ELAC2: variants seen among roughly 807,000 people sequenced by gnomAD.
The protein encoded by ELAC2 is zinc phosphodiesterase ELAC protein 2.
In ELAC2, 92 loss-of-function variants were observed where a neutral mutation model predicts 105.2. The ratio of observed to expected loss-of-function variants is 0.87; its 90% CI spans 0.74 to 1.04. The LOEUF (loss-of-function observed/expected upper bound fraction) is 1.04. Ranked by LOEUF, ELAC2 falls within the 50% of genes least tolerant of loss-of-function variation. The pLI is 0.00. For missense variants in ELAC2, 1,099 were observed against 1,071.7 expected (o/e 1.03, Z -0.36); for synonymous variants, 468 against 409.1 (o/e 1.14, Z -1.74).
intron 5 of ELAC2, among the ~76,000 whole-genome samples, chr17:13,014,177 T>C (rs536748814): frequency 6.6e-6 from 1 of 151,106 alleles, no homozygotes; most frequent in Non-Finnish European, 1.5e-5. Context: ...CCTGTAGTCC[T>C]AGCTACTCAG....
intron 16 of ELAC2, 28 bp downstream of exon 16, chr17:12,998,384 A>G: frequency 6.2e-7 from 1 of 1,605,348 alleles, no homozygotes; most frequent in Non-Finnish European, 8.5e-7. Flanking sequence ...CCCTTGATGG[A>G]AGGATGCTTC....
At chr17:13,009,649 T>C (rs1426907510) in intron 8 of ELAC2, among the ~76,000 whole-genome samples, 2 of 152,200 alleles carry the variant, frequency 1.3e-5, no homozygotes, top group Non-Finnish European at 2.9e-5. Context: ...CAAACACAGC[T>C]GCCTTCAATA....
At chr17:13,015,212 C>G (rs1213872694) in intron 4 of ELAC2, among the ~76,000 whole-genome samples, 1 of 152,168 alleles carries the variant, frequency 6.6e-6, no homozygotes, top group Non-Finnish European at 1.5e-5. Context: ...TTGTAGTTTA[C>G]AGGCATAGAA....
intron 21 of ELAC2, 79 bp from the exon 22 acceptor site, chr17:12,994,582 GTC>G: frequency 6.3e-7 from 1 of 1,597,198 alleles, no homozygotes; most frequent in Non-Finnish European, 8.6e-7. Flanking sequence ...CTGTTTCCTG[GTC>G]TCAACACTCA....
Position 13,013,192 on chromosome 17 carries a change from G to C in ELAC2, c.559+15C>G, listed in dbSNP as rs1288077508. 1 of 1,613,994 alleles carries C rather than the reference G, an allele frequency of 6.2e-7. No homozygotes were observed. The highest frequency in any genetic ancestry group is 8.5e-7 in the Non-Finnish European group (1 of 1,180,000). On this transcript the variant is annotated intron_variant, in intron 6 of 23. Coordinates refer to ENST00000338034, the MANE Select transcript of ELAC2 (RefSeq NM_018127.7). ...CGTACACCCTCCTCCTGGGAAACCT[G>C]GCTTTCATACTCACTGTGTATGGGG...
chr17:13,004,237 G>A (rs1321326611), intron 11 of ELAC2: 1 of 156,648 alleles, frequency 6.4e-6, no homozygotes, highest in Admixed American at 6.2e-5. Context: ...ACAAAGCCGG[G>A]GCTACCAGCG....
intron 16 of ELAC2, among the ~76,000 whole-genome samples, chr17:12,996,942 CAAAAA>C (rs57024446): frequency 7.9e-6 from 1 of 126,642 alleles, no homozygotes; most frequent in Admixed American, 8.1e-5. Flanking sequence ...GGCTGGGCAT[CAAAAA>C]AAAAAAAAAA....
At chr17:13,005,691 A>C in intron 10 of ELAC2, 62 bp downstream of exon 10, 2 of 1,563,972 alleles carry the variant, frequency 1.3e-6, no homozygotes, top group Non-Finnish European at 1.8e-6. Flanking sequence ...AAGAAGACAG[A>C]CTCTGCCCAG....
In ELAC2 at chr17:12,992,119, CTGAT is replaced by C. The variant is rs200938007; in HGVS notation, c.*695_*698del. Among the ~76,000 whole-genome samples, 2 of 144,540 alleles carry C rather than the reference CTGAT, an allele frequency of 1.4e-5. No individual in the cohort carries two copies. Among genetic ancestry groups the C allele is most frequent in the Admixed American group, 6.9e-5 (1 of 14,506 alleles). The allele number at this position is 144,540 out of a possible 152,430, so 94.8% of individuals were successfully genotyped here. On this transcript the variant is annotated 3_prime_UTR_variant, in exon 24 of 24. Coordinates refer to ENST00000338034, the MANE Select transcript of ELAC2 (RefSeq NM_018127.7). ...TGACACCAGCCCAGCCAGGCTCTCA[CTGAT>C]TGATTTGATTGATTGATTGATTGAT...
intron 21 of ELAC2, 62 bp from the exon 22 acceptor site, chr17:12,994,565 T>C: frequency 6.2e-7 from 1 of 1,605,090 alleles, no homozygotes. Context: ...CAGGCCTCAG[T>C]CACGTGCTGT....
intron 3 of ELAC2, among the ~76,000 whole-genome samples, chr17:13,016,113 C>T (rs2041707292): frequency 6.6e-6 from 1 of 152,226 alleles, no homozygotes; most frequent in South Asian, 2.1e-4. Flanking sequence ...GAAGGGCTGG[C>T]ACCCTAAGTG....
intron 23 of ELAC2, 128 bp downstream of exon 23, chr17:12,993,559 G>A: frequency 7.1e-7 from 1 of 1,403,862 alleles, no homozygotes; most frequent in Admixed American, 1.9e-5. Context: ...GTTAGTGATG[G>A]GTAGATAACC....
chr17:12,998,579 G>A, intron 15 of ELAC2, 71 bp from the exon 16 acceptor site: 1 of 1,370,550 alleles, frequency 7.3e-7, no homozygotes. Context: ...GCCATGAGAA[G>A]GTGCAATGGT....
At chr17:13,010,490 T>A in intron 8 of ELAC2, 123 bp downstream of exon 8, 2 of 896,574 alleles carry the variant, frequency 2.2e-6, no homozygotes, top group Non-Finnish European at 3.6e-6. Flanking sequence ...TTTCTGAAGA[T>A]CTGCTATCTC....
chr17:13,016,821 G>C (rs769202973), intron 3 of ELAC2, 41 bp downstream of exon 3: 1 of 1,596,634 alleles, frequency 6.3e-7, no homozygotes, highest in South Asian at 1.1e-5. Context: ...AAATCCCAGA[G>C]ACTTCCCACC....
In ELAC2 at chr17:12,995,920, C is replaced by T. The variant is rs1380803342; in HGVS notation, c.1698+20G>A. ...TGTAAACCGCTGAAACTCAGAACGC[C>T]CATCAAGTGCCACACTTACCAAGGC... On this transcript the variant is annotated intron_variant, in intron 18 of 23. Transcript: ENST00000338034. 1 of 1,590,072 alleles carries T rather than the reference C, an allele frequency of 6.3e-7. No homozygotes were observed. The highest frequency in any genetic ancestry group is 1.7e-5 in the Admixed American group (1 of 57,198).
At chr17:12,993,102 G>C in intron 23 of ELAC2, 57 bp from the exon 24 acceptor site, 1 of 1,542,172 alleles carries the variant, frequency 6.5e-7, no homozygotes, top group Non-Finnish European at 8.9e-7. Flanking sequence ...GTGGGGGACA[G>C]GAGCTGGAAG....
At position 13,017,757 on chromosome 17, in the gene ELAC2, G is replaced by A. The variant is rs954303974; in HGVS notation, c.191C>T (p.Ala64Val). Residue 64 changes from alanine (A) to valine (V), a missense_variant, in exon 1 of 24, where the codon GCA becomes GTA. By Grantham distance (64) the Ala-to-Val change is moderately conservative (BLOSUM62 0). Coordinates refer to ENST00000338034, the MANE Select transcript of ELAC2 (RefSeq NM_018127.7). Reference protein sequence around the residue: ...GPNTVYLQVVAAGSRDSGAAL... With the variant: ...GPNTVYLQVVVAGSRDSGAAL... ...GGCGCCCGAGTCCCGGCTACCCGCT[G>A]CCACCACCTGCAGGTACACGGTGTT... 6.2e-7 allele frequency: 1 copy of A among 1,611,638 alleles called. No homozygotes were observed. The highest frequency in any genetic ancestry group is 1.3e-5 in the African/African-American group (1 of 75,032).
At chr17:13,011,912 T>A in intron 6 of ELAC2, 130 bp from the exon 7 acceptor site, 2 of 1,426,614 alleles carry the variant, frequency 1.4e-6, no homozygotes, top group African/African-American at 1.4e-5. Context: ...CAGTAGGAAA[T>A]AACTAGTTAG....
Sources: gnomAD v4.1 joint callset for allele counts (sites outside exome capture counted in the v4.1 genomes callset) on GRCh38, gnomAD v4.1.1 for gene constraint, MANE v1.5 for transcripts, NCBI Gene and HGNC (gene_info 2026-07-23, HGNC 2026-07-21) for gene names.